Variants in PI15 observed in about 807,000 individuals in gnomAD.
The protein encoded by PI15 is 25 kDa trypsin inhibitor.
In PI15, 18 loss-of-function variants were observed where a neutral mutation model predicts 31.0. The observed-to-expected ratio is 0.58, with a 90% CI of 0.40 to 0.86. PI15 has a LOEUF of 0.86. Among genes scored for constraint, PI15 ranks in the 40% least tolerant of loss-of-function variants. The pLI is 0.00. For synonymous variants in PI15, 118 were observed against 119.1 expected, an observed-to-expected ratio of 0.99 and a Z score of 0.06; for missense variants, 282 against 328.1, an observed-to-expected ratio of 0.86 and a Z score of 1.09.
chr8:74,843,280 T>C (rs1810970136), intron 2 of PI15, among the ~76,000 whole-genome samples: 2 of 152,202 alleles, frequency 1.3e-5, no homozygotes, highest in Admixed American at 6.5e-5. Flanking sequence ...TAACCTTTTC[T>C]TTACTAAAAC....
At chr8:74,840,770 T>C (rs1810933203) in intron 2 of PI15, among the ~76,000 whole-genome samples, 1 of 152,146 alleles carries the variant, frequency 6.6e-6, no homozygotes, top group Non-Finnish European at 1.5e-5. Flanking sequence ...AGAACCTTCC[T>C]TTAGGTACAT....
intron 2 of PI15, among the ~76,000 whole-genome samples, chr8:74,834,877 T>C (rs1810838960): frequency 2.0e-5 from 1 of 50,986 alleles, no homozygotes; most frequent in South Asian, 4.7e-4. Context: ...CTCCTGATGA[T>C]TCACATTCTC....
rs1230775726 is a variant in PI15 at position 74,851,091 on chromosome 8, A to C, written c.*1838A>C. 1 of 152,618 alleles carries C rather than the reference A, an allele frequency of 6.6e-6. No homozygotes were observed. Among genetic ancestry groups the C allele is most frequent in the Non-Finnish European group, 1.5e-5 (1 of 68,000 alleles). 9.5% of individuals were successfully genotyped at this position (152,618 alleles called of 1,614,324 possible). ...GAATGACTAGCCCAATTATCCTTAT[A>C]AATTGAATATGGTGACCAAATGCTT... is the stretch of plus-strand genomic sequence containing the variant. On this transcript the variant is annotated 3_prime_UTR_variant, in exon 6 of 6. Transcript: ENST00000260113.
rs1258033097 is a variant in PI15, at chr8:74,854,233, G to A, written c.*4980G>A. 1.3e-5 allele frequency: 2 copies of A among 151,904 alleles called. No homozygotes were observed. Among genetic ancestry groups the A allele is most frequent in the African/African-American group, 4.8e-5 (2 of 41,406 alleles). 9.4% of individuals were successfully genotyped at this position (151,904 alleles called of 1,614,324 possible). On this transcript the variant is annotated 3_prime_UTR_variant, in exon 6 of 6. Coordinates refer to ENST00000260113, the MANE Select transcript of PI15 (RefSeq NM_015886.5). Reference sequence around the variant, plus strand: ...TAATTGACTGGGTGTAATCTCTTTTGTAATCTGTTTTGACAGATTTCTTAA... The same window carrying A: ...TAATTGACTGGGTGTAATCTCTTTTATAATCTGTTTTGACAGATTTCTTAA...
intron 2 of PI15, among the ~76,000 whole-genome samples, chr8:74,831,008 G>A (rs1810774589): frequency 6.6e-6 from 1 of 152,122 alleles, no homozygotes; most frequent in Admixed American, 6.6e-5. Context: ...GGCACATTTT[G>A]TAGGAATTTT....
In PI15 at chr8:74,851,331, T is replaced by C. The variant is rs1811101326; in HGVS notation, c.*2078T>C. On this transcript the variant is annotated 3_prime_UTR_variant, in exon 6 of 6. Coordinates refer to ENST00000260113, the MANE Select transcript of PI15 (RefSeq NM_015886.5). ...TTTTCCTTCTTCAATTTTACTATAT[T>C]CATTCTACAGGAACAGCAATAAGTA... The C allele has an allele frequency of 6.6e-6, 1 of 152,108 alleles. No individual in the cohort carries two copies. The highest frequency in any genetic ancestry group is 2.1e-4 in the South Asian group (1 of 4,836). The allele number at this position is 152,108 out of a possible 1,614,324, so 9.4% of individuals were successfully genotyped here. A position where few individuals can be genotyped will look rare whatever the true frequency, so the allele number is the denominator to read the frequency against.
Position 74,844,060 on chromosome 8 carries a change from T to G in PI15, c.353T>G (p.Leu118Arg). 1 of 1,599,176 alleles carries G rather than the reference T, an allele frequency of 6.3e-7. No homozygotes were observed. The highest frequency in any genetic ancestry group is 8.6e-7 in the Non-Finnish European group (1 of 1,166,282). ...TGGGACCATGGACCTTCTTACTTAC[T>G]GAGATTTTTGGGCCAAAATCTATCT... ...CIWDHGPSYL[L>R]RFLGQNLSVR... The change falls in exon 3 of 6, where the codon CTG (leucine) becomes CGG (arginine). Residue 118 changes from leucine (L) to arginine (R), a missense_variant. By Grantham distance (102) the Leu-to-Arg change is moderately radical. Transcript: ENST00000260113.
In PI15 at chr8:74,838,936, T is replaced by C. The variant is rs1426856217; in HGVS notation, c.274-5045T>C. 2.6e-5 allele frequency among the ~76,000 whole-genome samples: 4 copies of C among 152,198 alleles called. No individual in the cohort carries two copies. The East Asian group carries it at 7.7e-4, about 29-fold the overall frequency. ...CCACTATGTTGAGGATCCCAAAACT[T>C]AGAAAGACAGTTGATAAGACAGCCT... On this transcript the variant is annotated intron_variant, in intron 2 of 5. Coordinates refer to ENST00000260113, the MANE Select transcript of PI15 (RefSeq NM_015886.5).
intron 5 of PI15, among the ~76,000 whole-genome samples, chr8:74,848,730 TATAGAG>T (rs952488475): frequency 2.1e-4 from 29 of 140,404 alleles, no homozygotes; most frequent in African/African-American, 6.8e-4. Flanking sequence ...TATATATATA[TATAGAG>T]AGAGAGAGAG....
At chr8:74,830,665 T>G (rs1484279527) in intron 2 of PI15, among the ~76,000 whole-genome samples, 1 of 152,176 alleles carries the variant, frequency 6.6e-6, no homozygotes, top group Non-Finnish European at 1.5e-5. Context: ...CAGTAGTTGA[T>G]TAAACACTTG....
At chr8:74,844,597 G>A (rs1458073473) in intron 3 of PI15, among the ~76,000 whole-genome samples, 1 of 152,094 alleles carries the variant, frequency 6.6e-6, no homozygotes, top group African/African-American at 2.4e-5. Context: ...GCAGCTATGG[G>A]AAAAGCTATT....
intron 2 of PI15, among the ~76,000 whole-genome samples, chr8:74,839,238 T>C (rs1279354121): frequency 6.6e-6 from 1 of 152,220 alleles, no homozygotes; most frequent in East Asian, 1.9e-4. Context: ...GGCAAGGTAC[T>C]GTGTCTATCT....
chr8:74,847,511 C>A (rs938576112), intron 5 of PI15, among the ~76,000 whole-genome samples: 1 of 151,536 alleles, frequency 6.6e-6, no homozygotes, highest in African/African-American at 2.4e-5. Flanking sequence ...GATAAGAGAG[C>A]GAGCCACACT....
chr8:74,842,594 C>T (rs1229401498), intron 2 of PI15, among the ~76,000 whole-genome samples: 1 of 151,772 alleles, frequency 6.6e-6, no homozygotes, highest in Non-Finnish European at 1.5e-5. Context: ...TATTTTTGTA[C>T]CTTATGACTT....
chr8:74,845,326 G>A, intron 4 of PI15, 56 bp from the exon 5 acceptor site: 1 of 1,575,260 alleles, frequency 6.3e-7, no homozygotes, highest in Non-Finnish European at 8.7e-7. Context: ...TATTTTGGTG[G>A]ACATGCATTG....
intron 2 of PI15, among the ~76,000 whole-genome samples, chr8:74,836,461 A>G (rs1351569816): frequency 6.6e-6 from 1 of 152,190 alleles, no homozygotes; most frequent in Non-Finnish European, 1.5e-5. Flanking sequence ...GTCTAGAAAT[A>G]CAATTTGGAA....
chr8:74,848,802 C>T (rs1462596138), intron 5 of PI15, among the ~76,000 whole-genome samples: 1 of 150,298 alleles, frequency 6.7e-6, no homozygotes. Flanking sequence ...GGTGCCATCT[C>T]AGCTCAGTGC....
chr8:74,843,858 A>G, intron 2 of PI15, 123 bp from the exon 3 acceptor site: 1 of 713,546 alleles, frequency 1.4e-6, no homozygotes, highest in South Asian at 1.6e-5. Flanking sequence ...CAGAAAAAAC[A>G]AAAACAAAAA....
intron 5 of PI15, among the ~76,000 whole-genome samples, chr8:74,846,497 A>G (rs769986504): frequency 2.0e-5 from 3 of 152,200 alleles, no homozygotes; most frequent in Non-Finnish European, 4.4e-5. Flanking sequence ...AAATAGACCA[A>G]TTAGTACCCA....
Sources: gnomAD v4.1 joint callset for allele counts (sites outside exome capture counted in the v4.1 genomes callset) on GRCh38, gnomAD v4.1.1 for gene constraint, MANE v1.5 for transcripts, NCBI Gene and HGNC (gene_info 2026-07-23, HGNC 2026-07-21) for gene names.